The following LDLRAD3 variants were observed in gnomAD, a reference collection of about 807,000 sequenced individuals.
LDLRAD3 encodes low-density lipoprotein receptor class A domain-containing protein 3.
Under a neutral mutation model 29.4 loss-of-function variants are expected in LDLRAD3, and 20 were observed. The ratio of observed to expected loss-of-function variants is 0.68; its 90% CI spans 0.48 to 0.99. The LOEUF is 0.99. Among genes scored for constraint, LDLRAD3 ranks in the 50% least tolerant of loss-of-function variants. LDLRAD3 has a pLI of 0.00. For synonymous variants in LDLRAD3, 157 were observed against 192.7 expected (o/e 0.81, Z 1.53); for missense variants, 420 against 454.3 (o/e 0.92, Z 0.69).
chr11:36,052,116 T>C (rs577366206), intron 2 of LDLRAD3, among the ~76,000 whole-genome samples: 1 of 152,316 alleles, frequency 6.6e-6, no homozygotes, highest in East Asian at 1.9e-4. Context: ...GGACAAATCT[T>C]ACATTGCCAG....
Position 36,125,452 on chromosome 11 carries a change from CA to C in LDLRAD3, c.454+26992del, listed in dbSNP as rs1389600532. ...AATGCTTTGTACAGTGCCTAATACGCAGCAAGCAGTACATGTTTCACTGCTG... is the reference window on the plus strand; with the variant it reads ...AATGCTTTGTACAGTGCCTAATACGCGCAAGCAGTACATGTTTCACTGCTG... On this transcript the variant is annotated intron_variant, in intron 4 of 5. Transcript: ENST00000315571. 2.0e-5 allele frequency among the ~76,000 whole-genome samples: 3 copies of C among 152,200 alleles called. No individual in the cohort carries two copies. The South Asian group carries it at 6.2e-4, about 32-fold the overall frequency.
chr11:36,226,636 C>T (rs537654642), intron 4 of LDLRAD3, among the ~76,000 whole-genome samples: 7 of 152,304 alleles, frequency 4.6e-5, no homozygotes, highest in African/African-American at 1.4e-4. Flanking sequence ...AAACCAGTTT[C>T]GGGACATTCC....
chr11:36,185,376 G>T (rs1854831906), intron 4 of LDLRAD3, among the ~76,000 whole-genome samples: 1 of 152,164 alleles, frequency 6.6e-6, no homozygotes, highest in Non-Finnish European at 1.5e-5. Flanking sequence ...TTCCATAAAA[G>T]GTAAAAATCT....
At chr11:36,027,625 T>C (rs1852184982) in intron 1 of LDLRAD3, among the ~76,000 whole-genome samples, 3 of 152,246 alleles carry the variant, frequency 2.0e-5, no homozygotes, top group Admixed American at 1.3e-4. Context: ...TATTGCTTAG[T>C]TGGCTTTGGT....
At chr11:36,087,357 T>G (rs183578373) in intron 3 of LDLRAD3, among the ~76,000 whole-genome samples, 1 of 152,364 alleles carries the variant, frequency 6.6e-6, no homozygotes, top group Non-Finnish European at 1.5e-5. Context: ...TTTAAAGTCC[T>G]TATCTTTTAG....
chr11:36,096,711 G>T (rs1261475041), intron 3 of LDLRAD3, among the ~76,000 whole-genome samples: 1 of 152,272 alleles, frequency 6.6e-6, no homozygotes, highest in African/African-American at 2.4e-5. Context: ...TACAGGGCCA[G>T]TGCTTAGCTT....
Position 35,981,632 on chromosome 11 carries a change from CT to C in LDLRAD3, c.46+37491del, listed in dbSNP as rs1190400375. On this transcript the variant is annotated intron_variant, in intron 1 of 5. Transcript: ENST00000315571. The stretch of plus-strand genomic sequence containing the variant: ...CCTGATGCTGTGACCTTCTCTTTCT[CT>C]TTAGAAAAGGAAGTCGATTTCAGTA... 2.0e-5 allele frequency among the ~76,000 whole-genome samples: 3 copies of C among 152,288 alleles called. No individual in the cohort carries two copies. In the East Asian group the frequency reaches 5.8e-4, roughly 29 times the overall value.
At chr11:36,047,603 C>A (rs1852468774) in intron 2 of LDLRAD3, among the ~76,000 whole-genome samples, 1 of 152,118 alleles carries the variant, frequency 6.6e-6, no homozygotes, top group Admixed American at 6.5e-5. Context: ...ATAAATGCAC[C>A]ATGTGTGTAT....
chr11:36,114,119 G>A (rs139599374), intron 4 of LDLRAD3, among the ~76,000 whole-genome samples: 1 of 152,334 alleles, frequency 6.6e-6, no homozygotes, highest in African/African-American at 2.4e-5. Context: ...ATAGGTCAAA[G>A]GTTAGCTTAT....
chr11:36,054,285 G>A (rs1175544439), intron 2 of LDLRAD3, among the ~76,000 whole-genome samples: 1 of 152,174 alleles, frequency 6.6e-6, no homozygotes, highest in Non-Finnish European at 1.5e-5. Flanking sequence ...ATTTAAGGCT[G>A]GCCTTGAGGA....
chr11:35,999,530 TTCTCA>T (rs1419484983), intron 1 of LDLRAD3, among the ~76,000 whole-genome samples: 4 of 152,274 alleles, frequency 2.6e-5, no homozygotes, highest in African/African-American at 9.6e-5. Flanking sequence ...TGTTCTTGGC[TTCTCA>T]TTGGAGGCGG....
intron 2 of LDLRAD3, among the ~76,000 whole-genome samples, chr11:36,051,096 A>G (rs1285937891): frequency 2.6e-5 from 4 of 152,216 alleles, no homozygotes; most frequent in African/African-American, 9.6e-5. Context: ...GAGGACAAAA[A>G]CATCCAGTCC....
At chr11:36,111,288 T>C (rs1853601277) in intron 4 of LDLRAD3, among the ~76,000 whole-genome samples, 2 of 152,154 alleles carry the variant, frequency 1.3e-5, no homozygotes, top group African/African-American at 4.8e-5. Context: ...ATCGTAGACC[T>C]GTGAATTTCT....
At chr11:36,081,924 T>G in intron 3 of LDLRAD3, 146 bp downstream of exon 3, 1 of 985,606 alleles carries the variant, frequency 1.0e-6, no homozygotes, top group Non-Finnish European at 1.5e-6. Flanking sequence ...CTTCCCTACT[T>G]CTTGTGTAAA....
At chr11:36,173,788 C>T (rs1338355613) in intron 4 of LDLRAD3, among the ~76,000 whole-genome samples, 2 of 152,140 alleles carry the variant, frequency 1.3e-5, no homozygotes, top group Non-Finnish European at 2.9e-5. Flanking sequence ...CCATACTGCC[C>T]AAGGTAATTT....
At chr11:36,178,352 T>C (rs1050108185) in intron 4 of LDLRAD3, among the ~76,000 whole-genome samples, 1 of 152,222 alleles carries the variant, frequency 6.6e-6, no homozygotes, top group African/African-American at 2.4e-5. Context: ...GCCCAACTGC[T>C]GAGGGTTCTC....
chr11:36,193,265 A>G, intron 4 of LDLRAD3, among the ~76,000 whole-genome samples: 1 of 152,104 alleles, frequency 6.6e-6, no homozygotes, highest in African/African-American at 2.4e-5. Context: ...CATGAAGGTG[A>G]TTATTACTTT....
intron 1 of LDLRAD3, among the ~76,000 whole-genome samples, chr11:36,026,618 G>T (rs1329709630): frequency 1.3e-5 from 2 of 152,216 alleles, no homozygotes. Flanking sequence ...ACAGATTTCA[G>T]TAAAGAAGCC....
At chr11:36,023,426 G>T (rs1453088567) in intron 1 of LDLRAD3, among the ~76,000 whole-genome samples, 1 of 152,122 alleles carries the variant, frequency 6.6e-6, no homozygotes, top group East Asian at 1.9e-4. Context: ...GGCCAGAATT[G>T]GGTCTCATCT....
Sources: allele counts gnomAD v4.1 joint callset (sites outside exome capture counted in the v4.1 genomes callset), GRCh38; gene constraint gnomAD v4.1.1; transcripts MANE v1.5; gene names NCBI Gene and HGNC (gene_info 2026-07-23, HGNC 2026-07-21).